MAGI1: variants seen among roughly 807,000 people sequenced by gnomAD.
MAGI1 encodes membrane associated guanylate kinase, WW and PDZ domain containing 1.
Under a neutral mutation model 139.9 loss-of-function variants are expected in MAGI1, and 58 were observed. That is an observed-to-expected ratio of 0.41 (90% confidence interval 0.34 to 0.52). MAGI1 has a LOEUF of 0.52. MAGI1 is among the 20% of genes least tolerant of loss of function. The probability of loss-of-function intolerance (pLI) is 0.12; values close to 1 mark genes in which losing one functional copy is unlikely to be tolerated. For missense variants in MAGI1, 1,874 were observed against 1,901.6 expected (o/e 0.99, Z 0.27); for synonymous variants, 812 against 737.9 (o/e 1.10, Z -1.63).
chr3:65,611,573 C>CTATATATACTATACTAGTATATACAGTA (rs1202783749), intron 2 of MAGI1, among the ~76,000 whole-genome samples: 47 of 135,442 alleles, frequency 3.5e-4, no homozygotes, highest in East Asian at 2.2e-3. Context: ...ATATATGACA[C>CTATATATACTATACTAGTATATACAGTA]TATATATACT....
intron 2 of MAGI1, among the ~76,000 whole-genome samples, chr3:65,509,471 G>C (rs942826376): frequency 2.6e-5 from 4 of 152,178 alleles, no homozygotes; most frequent in Non-Finnish European, 5.9e-5. Context: ...GCCGAAGCAG[G>C]GTGAGGCACT....
At chr3:65,581,370 A>G (rs187456195) in intron 2 of MAGI1, among the ~76,000 whole-genome samples, 273 of 152,298 alleles carry the variant, frequency 1.8e-3, no homozygotes, top group Non-Finnish European at 3.3e-3. Context: ...ACAAGAAAAA[A>G]AAAGGCAAAT....
intron 1 of MAGI1, among the ~76,000 whole-genome samples, chr3:65,887,555 A>G (rs2060583573): frequency 6.6e-6 from 1 of 152,118 alleles, no homozygotes; most frequent in Non-Finnish European, 1.5e-5. Flanking sequence ...TATTTCTTTA[A>G]CTTCCTTACC....
rs532339234 is a variant in MAGI1, at chr3:65,930,232, C to A, written c.313+107764G>T. On this transcript the variant is annotated intron_variant, in intron 1 of 22. Transcript: ENST00000402939. ...TCAGGGGGCTGAGGCAGGAGAATGA[C>A]GTGAACCCGGGAGGCGGAGCTTGCA... 4.2e-5 allele frequency among the ~76,000 whole-genome samples: 6 copies of A among 143,576 alleles called. No homozygotes were observed. In the South Asian group the frequency reaches 1.3e-3, roughly 31 times the overall value. 94.2% of individuals were successfully genotyped at this position (143,576 alleles called of 152,430 possible).
intron 15 of MAGI1, 136 bp from the exon 16 acceptor site, chr3:65,382,205 G>A: frequency 1.5e-6 from 1 of 669,824 alleles, no homozygotes; most frequent in Admixed American, 3.0e-5. Context: ...AGCACCCACT[G>A]TGTACAAGAC....
chr3:66,027,988 C>G (rs975825630), intron 1 of MAGI1, among the ~76,000 whole-genome samples: 1 of 152,210 alleles, frequency 6.6e-6, no homozygotes, highest in Non-Finnish European at 1.5e-5. Flanking sequence ...CACTAACTGA[C>G]GTACCTCCAT....
In MAGI1 at chr3:65,679,209, G is replaced by A. The variant is rs532039426; in HGVS notation, c.314-57121C>T. Reference sequence around the variant, plus strand: ...TCTCATACTCAACTGTCACACATACGCTTCATTTTCATTGTGTTTGATATA... The same window carrying A: ...TCTCATACTCAACTGTCACACATACACTTCATTTTCATTGTGTTTGATATA... On this transcript the variant is annotated intron_variant, in intron 1 of 22. Coordinates refer to ENST00000402939, the MANE Select transcript of MAGI1 (RefSeq NM_001033057.2). Among the ~76,000 whole-genome samples the A allele has an allele frequency of 4.6e-5, 7 of 152,148 alleles. No homozygotes were observed. The East Asian group carries it at 1.4e-3, about 29-fold the overall frequency.
chr3:65,378,344 C>T (rs146647688), intron 17 of MAGI1, among the ~76,000 whole-genome samples: 1,549 of 152,176 alleles, frequency 0.01, 33 homozygotes, highest in African/African-American at 0.035. Flanking sequence ...TGACTCTTAA[C>T]TCAGATTTTA....
intron 14 of MAGI1, among the ~76,000 whole-genome samples, chr3:65,387,607 T>C (rs1172175784): frequency 6.6e-6 from 1 of 152,236 alleles, no homozygotes; most frequent in Non-Finnish European, 1.5e-5. Context: ...TACTACAGCA[T>C]TTATTCAAAA....
At chr3:65,590,685 G>A (rs2081929078) in intron 2 of MAGI1, among the ~76,000 whole-genome samples, 1 of 152,080 alleles carries the variant, frequency 6.6e-6, no homozygotes, top group East Asian at 1.9e-4. Context: ...AAGTCCTCAA[G>A]CAATTAGTCT....
In MAGI1 at chr3:65,630,006, C is replaced by T. The variant is rs185704646; in HGVS notation, c.314-7918G>A. On this transcript the variant is annotated intron_variant, in intron 1 of 22. Transcript: ENST00000402939. ...TCACAAGATTTTAAAAATACACAAACGTACAACAAACAAAGTTAAAATCAC... is the reference window on the plus strand; with the variant it reads ...TCACAAGATTTTAAAAATACACAAATGTACAACAAACAAAGTTAAAATCAC... Among the ~76,000 whole-genome samples the T allele has an allele frequency of 3.7e-3, 562 of 152,216 alleles. 7 individuals are homozygous for T. The highest frequency in any genetic ancestry group is 0.013 in the African/African-American group (539 of 41,544).
chr3:65,898,171 A>G (rs1016684113), intron 1 of MAGI1, among the ~76,000 whole-genome samples: 2 of 152,190 alleles, frequency 1.3e-5, no homozygotes, highest in Admixed American at 1.3e-4. Context: ...TCCCTGCTCA[A>G]AAGGATTCTT....
chr3:65,763,606 G>A (rs2037215874), intron 1 of MAGI1, among the ~76,000 whole-genome samples: 1 of 151,966 alleles, frequency 6.6e-6, no homozygotes, highest in African/African-American at 2.4e-5. Context: ...AAGTCACAAA[G>A]CTGCTAAGCA....
At chr3:65,415,978 TC>T (rs1215382461) in intron 12 of MAGI1, among the ~76,000 whole-genome samples, 4 of 152,218 alleles carry the variant, frequency 2.6e-5, no homozygotes, top group Non-Finnish European at 5.9e-5. Flanking sequence ...TGTTATTTTT[TC>T]AATGCAATCA....
At chr3:65,389,050 G>A (rs570321568) in intron 14 of MAGI1, among the ~76,000 whole-genome samples, 2 of 151,324 alleles carry the variant, frequency 1.3e-5, no homozygotes, top group Non-Finnish European at 2.9e-5. Flanking sequence ...TCACCATATT[G>A]GCCAGGCTGG....
intron 1 of MAGI1, among the ~76,000 whole-genome samples, chr3:65,909,682 T>A (rs2061579740): frequency 6.6e-6 from 1 of 151,960 alleles, no homozygotes; most frequent in African/African-American, 2.4e-5. Context: ...AGTGACAGAG[T>A]GAGACCCTGT....
At chr3:65,819,175 T>C (rs1292906963) in intron 1 of MAGI1, among the ~76,000 whole-genome samples, 1 of 152,024 alleles carries the variant, frequency 6.6e-6, no homozygotes, top group Non-Finnish European at 1.5e-5. Context: ...TCCCAGCTAC[T>C]CAGGAGGCTG....
intron 1 of MAGI1, among the ~76,000 whole-genome samples, chr3:66,008,027 G>T (rs774459904): frequency 3.6e-4 from 54 of 151,752 alleles, no homozygotes; most frequent in Non-Finnish European, 5.7e-4. Context: ...CTCCCAAGTA[G>T]CTGGGACTAC....
At chr3:65,956,763 T>A (rs1478518507) in intron 1 of MAGI1, among the ~76,000 whole-genome samples, 1 of 152,140 alleles carries the variant, frequency 6.6e-6, no homozygotes, top group East Asian at 1.9e-4. Flanking sequence ...TTCAGGAGGC[T>A]GAGGCGGGAG....
Sources: allele counts gnomAD v4.1 joint callset (sites outside exome capture counted in the v4.1 genomes callset), GRCh38; gene constraint gnomAD v4.1.1; transcripts MANE v1.5; gene names NCBI Gene and HGNC (gene_info 2026-07-23, HGNC 2026-07-21).